GOLM2: variants seen among roughly 807,000 people sequenced by gnomAD.
The protein encoded by GOLM2 is protein GOLM2.
GOLM2 carries 26 observed loss-of-function variants against 55.9 expected under a neutral mutation model. That is an observed-to-expected ratio of 0.47 (90% CI 0.34 to 0.65). The LOEUF (loss-of-function observed/expected upper bound fraction) is 0.65. Ranked by LOEUF, GOLM2 falls within the 30% of genes least tolerant of loss-of-function variation. The pLI is 0.01. For missense variants in GOLM2, 486 were observed against 531.8 expected, an observed-to-expected ratio of 0.91 and a Z score of 0.85; for synonymous variants, 165 against 194.6, an observed-to-expected ratio of 0.85 and a Z score of 1.27.
At chr15:44,352,318 G>A (rs930598248) in intron 6 of GOLM2, among the ~76,000 whole-genome samples, 26 of 152,272 alleles carry the variant, frequency 1.7e-4, no homozygotes, top group Non-Finnish European at 3.4e-4. Context: ...ATGCACTGGG[G>A]AAAGGACAGT....
chr15:44,410,104 A>G (rs537232010), intron 9 of GOLM2, among the ~76,000 whole-genome samples: 18 of 152,164 alleles, frequency 1.2e-4, no homozygotes, highest in Non-Finnish European at 1.6e-4. Flanking sequence ...GATCCTAAGG[A>G]GAGCTTTCTG....
At chr15:44,313,017 T>G (rs2141122022) in intron 1 of GOLM2, among the ~76,000 whole-genome samples, 1 of 151,850 alleles carries the variant, frequency 6.6e-6, no homozygotes, top group East Asian at 1.9e-4. Flanking sequence ...AGGCGGAGGT[T>G]GTAGTGAGCT....
At chr15:44,330,394 A>G (rs1026612648) in intron 3 of GOLM2, among the ~76,000 whole-genome samples, 20 of 150,976 alleles carry the variant, frequency 1.3e-4, no homozygotes, top group South Asian at 4.2e-4. Flanking sequence ...CATGCCTGTA[A>G]TCCCAGCTAC....
intron 8 of GOLM2, among the ~76,000 whole-genome samples, chr15:44,387,846 T>G (rs1392188405): frequency 6.6e-6 from 1 of 151,970 alleles, no homozygotes; most frequent in Non-Finnish European, 1.5e-5. Context: ...ACACAAAAGG[T>G]CTTTATTTGT....
At chr15:44,411,828 C>CA (rs60534778) in intron 9 of GOLM2, among the ~76,000 whole-genome samples, 10,527 of 68,010 alleles carry the variant, frequency 0.15, 669 homozygotes, top group East Asian at 0.28. Context: ...GACTGCATCT[C>CA]AAAAAAAAAA....
intron 6 of GOLM2, among the ~76,000 whole-genome samples, chr15:44,351,820 A>G (rs2079167308): frequency 6.6e-6 from 1 of 152,108 alleles, no homozygotes; most frequent in Non-Finnish European, 1.5e-5. Flanking sequence ...ACATAATCCC[A>G]TTTACAATAG....
chr15:44,317,613 C>G (rs1268015303), intron 1 of GOLM2, among the ~76,000 whole-genome samples: 1 of 152,062 alleles, frequency 6.6e-6, no homozygotes, highest in Admixed American at 6.6e-5. Flanking sequence ...CTGTAGCTTT[C>G]CCTCAGTGAT....
chr15:44,337,942 T>C (rs1043862082), intron 5 of GOLM2, 35 bp downstream of exon 5: 5 of 1,545,646 alleles, frequency 3.2e-6, no homozygotes, highest in African/African-American at 1.4e-5. Context: ...TTTGTATTAA[T>C]AGGATATTGA....
intron 8 of GOLM2, among the ~76,000 whole-genome samples, chr15:44,399,732 C>T (rs947718588): frequency 1.3e-4 from 20 of 152,152 alleles, no homozygotes; most frequent in Admixed American, 5.9e-4. Context: ...TGGTGTCTCA[C>T]GCCTGTAATC....
At position 44,289,374 on chromosome 15, in the gene GOLM2, C is replaced by T; in HGVS notation, c.327+18C>T. 1 of 1,591,842 alleles carries T rather than the reference C, an allele frequency of 6.3e-7. No homozygotes were observed. The highest frequency in any genetic ancestry group is 8.6e-7 in the Non-Finnish European group (1 of 1,168,464). On this transcript the variant is annotated intron_variant, in intron 1 of 9. Transcript: ENST00000299957. This position sits in a 1 kb window ranked among gnomAD's most constrained non-coding sequence, Gnocchi z 4.8. The stretch of plus-strand genomic sequence containing the variant: ...ATGACAAGGTAAGGACGACCCTTTT[C>T]TCTTCAAACCCCATGGTTTCTTTTC...
chr15:44,361,311 A>G (rs2079236796), intron 6 of GOLM2, among the ~76,000 whole-genome samples: 1 of 151,994 alleles, frequency 6.6e-6, no homozygotes, highest in South Asian at 2.1e-4. Context: ...AAGACTAATA[A>G]AGAAAAAAGA....
intron 8 of GOLM2, among the ~76,000 whole-genome samples, chr15:44,381,850 G>A (rs1300076577): frequency 3.3e-5 from 5 of 151,856 alleles, no homozygotes; most frequent in African/African-American, 4.8e-5. Context: ...CGGGGGTCTC[G>A]CTTTGTTGCC....
chr15:44,295,953 C>CACA (rs1567018705), intron 1 of GOLM2, among the ~76,000 whole-genome samples: 2 of 151,466 alleles, frequency 1.3e-5, no homozygotes, highest in African/African-American at 2.4e-5. Context: ...CACACAGACA[C>CACA]CCTTTTATTT....
chr15:44,289,965 A>G lies in GOLM2; in HGVS notation c.327+609A>G, dbSNP rs1420006044. Among the ~76,000 whole-genome samples the G allele has an allele frequency of 6.6e-6, 1 of 152,198 alleles. No homozygotes were observed. The highest frequency in any genetic ancestry group is 1.5e-5 in the Non-Finnish European group (1 of 68,022). On this transcript the variant is annotated intron_variant, in intron 1 of 9. Coordinates refer to ENST00000299957, the MANE Select transcript of GOLM2 (RefSeq NM_138423.4). This position sits in a 1 kb window ranked among gnomAD's most constrained non-coding sequence, Gnocchi z 4.8. ...CACACTTGTGTCTTGGACATAGTTG[A>G]TCCATCATTATCTACTCAATTTGAA... is the stretch of plus-strand genomic sequence containing the variant.
chr15:44,389,527 CAAAT>C (rs1247942286), intron 8 of GOLM2, among the ~76,000 whole-genome samples: 1 of 151,874 alleles, frequency 6.6e-6, no homozygotes, highest in African/African-American at 2.4e-5. Flanking sequence ...GACCCTGTCT[CAAAT>C]AAATAAATAA....
intron 6 of GOLM2, chr15:44,348,768 G>A: frequency 6.4e-6 from 1 of 155,286 alleles, no homozygotes; most frequent in Non-Finnish European, 1.4e-5. Context: ...TGCCACAGTG[G>A]TACATGCCTA....
chr15:44,349,502 T>G (rs1461277638), intron 6 of GOLM2, among the ~76,000 whole-genome samples: 2 of 152,080 alleles, frequency 1.3e-5, no homozygotes, highest in Admixed American at 6.6e-5. Context: ...AAGCAAATAT[T>G]AGAGCTAAAG....
intron 1 of GOLM2, among the ~76,000 whole-genome samples, chr15:44,303,865 A>G (rs2078816977): frequency 6.6e-6 from 1 of 151,174 alleles, no homozygotes; most frequent in Admixed American, 6.6e-5. Flanking sequence ...CCTCCTGAGT[A>G]GCTGGGATTA....
At chr15:44,334,759 C>T (rs759521844) in intron 4 of GOLM2, among the ~76,000 whole-genome samples, 10 of 152,122 alleles carry the variant, frequency 6.6e-5, no homozygotes, top group African/African-American at 1.9e-4. Flanking sequence ...TAGCTGGGGG[C>T]GGTGGCTCAC....
Sources: allele counts gnomAD v4.1 joint callset (sites outside exome capture counted in the v4.1 genomes callset), GRCh38; gene constraint gnomAD v4.1.1; non-coding constraint Gnocchi (gnomAD v3.1); transcripts MANE v1.5; gene names NCBI Gene and HGNC (gene_info 2026-07-23, HGNC 2026-07-21).